The following CCNF variants were observed in gnomAD, a reference collection of about 807,000 sequenced individuals.
The protein encoded by CCNF is cyclin F.
A neutral mutation model predicts 85.4 loss-of-function variants in CCNF; 30 were observed. The ratio of observed to expected loss-of-function variants is 0.35; its 90% CI spans 0.26 to 0.48. CCNF has a LOEUF of 0.48. Among genes scored for constraint, CCNF ranks in the 20% least tolerant of loss-of-function variants. The probability of loss-of-function intolerance (pLI) is 0.99; values close to 1 mark genes in which losing one functional copy is unlikely to be tolerated. For synonymous variants in CCNF, 439 were observed against 425.1 expected, an observed-to-expected ratio of 1.03 and a Z score of -0.40; for missense variants, 919 against 1,010.4, an observed-to-expected ratio of 0.91 and a Z score of 1.23.
chr16:2,453,546 C>G lies in CCNF; in HGVS notation c.1715+9C>G, dbSNP rs201692958. 7 of 1,613,912 alleles carry G rather than the reference C, an allele frequency of 4.3e-6. No individual in the cohort carries two copies. Among genetic ancestry groups the G allele is most frequent in the Non-Finnish European group, 5.9e-6 (7 of 1,179,990 alleles). ...GGGCGGAGAACCAAACGGTTAGTTA[C>G]CCTGCGTTCTGGCTGCGCCATACAA... On this transcript the variant is annotated intron_variant, in intron 15 of 16. Coordinates refer to ENST00000397066, the MANE Select transcript of CCNF (RefSeq NM_001761.3). The surrounding 1 kb of genome is among the most constrained non-coding windows in gnomAD (Gnocchi z 5.6).
chr16:2,450,529 C>A (rs577979025), intron 13 of CCNF, among the ~76,000 whole-genome samples: 1 of 151,574 alleles, frequency 6.6e-6, no homozygotes, highest in South Asian at 2.1e-4. Context: ...AAAAAAAGTT[C>A]CAGTAGTTTC....
Position 2,458,398 on chromosome 16 carries a change from C to T in CCNF, c.*1378C>T, listed in dbSNP as rs899073149. Reference sequence around the variant, plus strand: ...TCCTGGGTAGCTGGGATTACAAGCACCCAACCACGCCCAGCTAATTTTTGT... The same window carrying T: ...TCCTGGGTAGCTGGGATTACAAGCATCCAACCACGCCCAGCTAATTTTTGT... On this transcript the variant is annotated 3_prime_UTR_variant, in exon 17 of 17. Transcript: ENST00000397066. 2 of 152,084 alleles carry T rather than the reference C, an allele frequency of 1.3e-5. No individual in the cohort carries two copies. Among genetic ancestry groups the T allele is most frequent in the African/African-American group, 4.8e-5 (2 of 41,362 alleles). The allele number at this position is 152,084 out of a possible 1,614,324, so 9.4% of individuals were successfully genotyped here.
rs35053021 is a variant in CCNF at position 2,437,852 on chromosome 16, C to CTA, written c.541-216_541-215dup. 0.044 allele frequency: 22,951 copies of CTA among 522,280 alleles called. 727 individuals carry two copies. The highest frequency in any genetic ancestry group is 0.1 in the Middle Eastern group (190 of 1,836). The allele number at this position is 522,280 out of a possible 1,614,324, so 32.4% of individuals were successfully genotyped here. ...AGGTTGAGCTTGCAATGAGCCGTGACTATGCCAATGCACTCCAGCCTGGGT... is the reference window on the plus strand; with the variant it reads ...AGGTTGAGCTTGCAATGAGCCGTGACTATATGCCAATGCACTCCAGCCTGGGT... On this transcript the variant is annotated intron_variant, in intron 5 of 16. Transcript: ENST00000397066.
rs1386820762 is a variant in CCNF at position 2,452,504 on chromosome 16, C to T, written c.1488-706C>T. On this transcript the variant is annotated intron_variant, in intron 13 of 16. Transcript: ENST00000397066. The surrounding 1 kb of genome is among the most constrained non-coding windows in gnomAD (Gnocchi z 4.1). ...GTTTCTGGGCTGCGTTTATTCTCTTCCTCCTGAAGAAGTTAATTTTTTTTC... is the reference window on the plus strand; with the variant it reads ...GTTTCTGGGCTGCGTTTATTCTCTTTCTCCTGAAGAAGTTAATTTTTTTTC... 1 of 152,368 alleles carries T rather than the reference C, an allele frequency of 6.6e-6. No individual in the cohort carries two copies. Among genetic ancestry groups the T allele is most frequent in the Non-Finnish European group, 1.5e-5 (1 of 68,168 alleles). 9.4% of individuals were successfully genotyped at this position (152,368 alleles called of 1,614,324 possible).
Position 2,445,252 on chromosome 16 carries a change from G to A in CCNF, c.930-206G>A, listed in dbSNP as rs137912941. On this transcript the variant is annotated intron_variant, in intron 9 of 16. Coordinates refer to ENST00000397066, the MANE Select transcript of CCNF (RefSeq NM_001761.3). ...TGGGAGCACCAGGAACACAGTCGAA[G>A]GATGTGGGGCCTGCTTTGGGGCTGG... 6.4e-4 allele frequency: 376 copies of A among 585,114 alleles called. 1 individual carries two copies. The highest frequency in any genetic ancestry group is 2.8e-3 in the Middle Eastern group (6 of 2,168). The allele number at this position is 585,114 out of a possible 1,614,324, so 36.2% of individuals were successfully genotyped here.
At chr16:2,446,377 C>A (rs536393374) in intron 10 of CCNF, among the ~76,000 whole-genome samples, 25 of 152,230 alleles carry the variant, frequency 1.6e-4, no homozygotes, top group Non-Finnish European at 3.4e-4. Context: ...TTTCGTCCCC[C>A]ACTGGTGCCC....
At chr16:2,432,936 A>G in intron 2 of CCNF, 25 bp from the exon 3 acceptor site, 1 of 1,485,560 alleles carries the variant, frequency 6.7e-7, no homozygotes, top group Non-Finnish European at 9.3e-7. Context: ...TCCATCACCC[A>G]GCCCCGGCCC....
intron 11 of CCNF, 59 bp downstream of exon 11, chr16:2,449,037 G>A: frequency 8.6e-7 from 1 of 1,157,788 alleles, no homozygotes; most frequent in Non-Finnish European, 1.3e-6. Context: ...GGAGGGTGGG[G>A]GTGGGCATTC....
intron 12 of CCNF, 96 bp from the exon 13 acceptor site, chr16:2,449,732 G>A (rs1326052367): frequency 1.3e-5 from 11 of 849,520 alleles, no homozygotes; most frequent in African/African-American, 3.3e-5. Flanking sequence ...GCTATAGAGC[G>A]GGAGTGTTCA....
rs1185294838 is a variant in CCNF at position 2,451,483 on chromosome 16, C to A, written c.1487+1568C>A. Among the ~76,000 whole-genome samples, 1 of 152,146 alleles carries A rather than the reference C, an allele frequency of 6.6e-6. No individual in the cohort carries two copies. The highest frequency in any genetic ancestry group is 2.4e-5 in the African/African-American group (1 of 41,414). On this transcript the variant is annotated intron_variant, in intron 13 of 16. Transcript: ENST00000397066. This position sits in a 1 kb window ranked among gnomAD's most constrained non-coding sequence, Gnocchi z 4.3. ...TTGCTCCTCCCACCTCTCGGCACCC[C>A]CACTCCCTGGTCTCCCACTTCCCCG...
chr16:2,449,042 G>A (rs1480298986), intron 11 of CCNF, 64 bp downstream of exon 11: 61 of 683,486 alleles, frequency 8.9e-5, no homozygotes, highest in South Asian at 6.6e-4. Flanking sequence ...GTGGGGGTGG[G>A]CATTCAGCTT....
intron 4 of CCNF, chr16:2,436,748 T>G: frequency 6.1e-6 from 1 of 164,478 alleles, no homozygotes; most frequent in Non-Finnish European, 1.3e-5. Flanking sequence ...CTGTCTAATT[T>G]TAGAATATTC....
In CCNF at chr16:2,457,143, C is replaced by T. The variant is rs2065434134; in HGVS notation, c.*123C>T. The T allele has an allele frequency of 1.4e-6, 1 of 700,082 alleles. No homozygotes were observed. The highest frequency in any genetic ancestry group is 2.3e-6 in the Non-Finnish European group (1 of 432,262). 43.4% of individuals were successfully genotyped at this position (700,082 alleles called of 1,614,324 possible). A position where few individuals can be genotyped will look rare whatever the true frequency, so the allele number is the denominator to read the frequency against. ...TTTGCGCAGAGAGCAGAGAGGATGA[C>T]TTGCGGCCACCAAGTTTCTGTCTCC... On this transcript the variant is annotated 3_prime_UTR_variant, in exon 17 of 17. Transcript: ENST00000397066.
intron 5 of CCNF, 121 bp from the exon 6 acceptor site, chr16:2,437,949 C>A: frequency 5.8e-6 from 4 of 687,020 alleles, no homozygotes; most frequent in South Asian, 1.5e-5. Context: ...TGGCCCTCTG[C>A]AGGGGAGGGA....
rs964800992 is a variant in CCNF, at chr16:2,453,075, C to G, written c.1488-135C>G. On this transcript the variant is annotated intron_variant, in intron 13 of 16. Transcript: ENST00000397066. This position sits in a 1 kb window ranked among gnomAD's most constrained non-coding sequence, Gnocchi z 5.6. Reference sequence around the variant, plus strand: ...TAGGTCCTGTGGTGACTGAGTTTAACCATTCGGGGAACTGCCAGGTCAGAT... The same window carrying G: ...TAGGTCCTGTGGTGACTGAGTTTAAGCATTCGGGGAACTGCCAGGTCAGAT... 1.4e-6 allele frequency: 1 copy of G among 730,932 alleles called. No individual in the cohort carries two copies. The highest frequency in any genetic ancestry group is 2.4e-6 in the Non-Finnish European group (1 of 414,664). The allele number at this position is 730,932 out of a possible 1,614,324, so 45.3% of individuals were successfully genotyped here.
At chr16:2,447,947 C>T (rs1362851798) in intron 10 of CCNF, among the ~76,000 whole-genome samples, 1 of 152,210 alleles carries the variant, frequency 6.6e-6, no homozygotes, top group East Asian at 1.9e-4. Flanking sequence ...GTGAATGACG[C>T]ATGCAACCTG....
chr16:2,429,910 C>G (rs1188295498), intron 1 of CCNF, among the ~76,000 whole-genome samples: 1 of 152,150 alleles, frequency 6.6e-6, no homozygotes, highest in East Asian at 1.9e-4. Flanking sequence ...GACCGAGCCT[C>G]AGTCCAGCGG....
In CCNF at chr16:2,445,532, T is replaced by C. The variant is rs1270991730; in HGVS notation, c.1004T>C (p.Val335Ala). Reference sequence around the variant, plus strand: ...ACAAGCCTGTGCCTGCACCTGACCGTGGAGTGTGTGGACCGGTACCTGCGG... The same window carrying C: ...ACAAGCCTGTGCCTGCACCTGACCGCGGAGTGTGTGGACCGGTACCTGCGG... ...DFTSLCLHLT[V>A]ECVDRYLRRR... Residue 335 changes from valine to alanine, a missense_variant, in exon 10 of 17, where the codon GTG (valine) becomes GCG (alanine). By Grantham distance (64) the Val-to-Ala change is moderately conservative. Around this residue, in one of 3 missense-constraint regions of CCNF, gnomAD observed 410 missense variants for 478.6 expected, o/e 0.86. Coordinates refer to ENST00000397066, the MANE Select transcript of CCNF (RefSeq NM_001761.3). The C allele has an allele frequency of 6.2e-7, 1 of 1,613,900 alleles. No individual in the cohort carries two copies. Among genetic ancestry groups the C allele is most frequent in the African/African-American group, 1.3e-5 (1 of 74,870 alleles).
At chr16:2,433,161 T>C in intron 3 of CCNF, 94 bp downstream of exon 3, 2 of 754,306 alleles carry the variant, frequency 2.7e-6, no homozygotes, top group South Asian at 1.7e-5. Flanking sequence ...GCAACGATTT[T>C]CCTGTTGCTG....
Sources: gnomAD v4.1 joint callset for allele counts (sites outside exome capture counted in the v4.1 genomes callset) on GRCh38, gnomAD v4.1.1 for gene constraint, gnomAD v4.1.1 regional missense constraint, Gnocchi (gnomAD v3.1) non-coding constraint, MANE v1.5 for transcripts, NCBI Gene and HGNC (gene_info 2026-07-23, HGNC 2026-07-21) for gene names.